Variants in CPSF2 observed in about 807,000 individuals in gnomAD.
The protein encoded by CPSF2 is cleavage and polyadenylation specific factor 2, also known as cleavage and polyadenylation specificity factor subunit 2.
CPSF2 carries 51 observed loss-of-function variants against 84.2 expected under a neutral mutation model. The ratio of observed to expected loss-of-function variants is 0.61; its 90% CI spans 0.48 to 0.77. CPSF2 has a LOEUF of 0.77. Ranked by LOEUF, CPSF2 falls within the 30% of genes least tolerant of loss-of-function variation. The probability of loss-of-function intolerance (pLI) is 0.00; values close to 1 mark genes in which losing one functional copy is unlikely to be tolerated. For synonymous variants in CPSF2, 286 were observed against 311.9 expected (o/e 0.92, Z 0.87); for missense variants, 641 against 929.4 (o/e 0.69, Z 4.03).
At chr14:92,151,435 A>AT (rs760958834) in intron 9 of CPSF2, among the ~76,000 whole-genome samples, 50 of 140,972 alleles carry the variant, frequency 3.5e-4, no homozygotes, top group African/African-American at 9.3e-4. Flanking sequence ...TGTAAGATAC[A>AT]TAAAAAAAAA....
chr14:92,123,277 C>T (rs1380422060), intron 1 of CPSF2, among the ~76,000 whole-genome samples: 1 of 151,972 alleles, frequency 6.6e-6, no homozygotes, highest in Admixed American at 6.5e-5. Flanking sequence ...TACAGGCGCG[C>T]ACCACCACGC....
intron 6 of CPSF2, 118 bp downstream of exon 6, chr14:92,135,614 C>A: frequency 1.0e-6 from 1 of 956,530 alleles, no homozygotes; most frequent in Non-Finnish European, 1.6e-6. Context: ...CAACTTAAAA[C>A]CGTCAAATAG....
intron 1 of CPSF2, among the ~76,000 whole-genome samples, chr14:92,125,128 A>G (rs184576188): frequency 9.9e-5 from 15 of 152,240 alleles, no homozygotes; most frequent in African/African-American, 2.9e-4. Context: ...CTGAAGATGA[A>G]TCTGGTAGCA....
intron 7 of CPSF2, among the ~76,000 whole-genome samples, chr14:92,141,460 C>G (rs2141464801): frequency 6.6e-6 from 1 of 152,246 alleles, no homozygotes; most frequent in South Asian, 2.1e-4. Flanking sequence ...TCCCACATAG[C>G]TAAGACCACA....
intron 14 of CPSF2, among the ~76,000 whole-genome samples, chr14:92,159,974 G>GT (rs2069349284): frequency 6.8e-6 from 1 of 146,414 alleles, no homozygotes; most frequent in East Asian, 2.0e-4. Flanking sequence ...GTTTTGTTTT[G>GT]TTTTTTGAGA....
chr14:92,125,382 C>T (rs374990665), intron 1 of CPSF2, among the ~76,000 whole-genome samples: 16 of 152,206 alleles, frequency 1.1e-4, no homozygotes, highest in African/African-American at 2.2e-4. Flanking sequence ...ATATTCATGT[C>T]GCAGAGCTAT....
chr14:92,122,936 A>G (rs1325991614), intron 1 of CPSF2, among the ~76,000 whole-genome samples: 5 of 145,758 alleles, frequency 3.4e-5, no homozygotes, highest in African/African-American at 1.0e-4. Flanking sequence ...AGATCCTCCC[A>G]TTTTGGCCTG....
At chr14:92,132,072 C>A (rs989191975) in intron 3 of CPSF2, among the ~76,000 whole-genome samples, 1 of 152,102 alleles carries the variant, frequency 6.6e-6, no homozygotes, top group African/African-American at 2.4e-5. Flanking sequence ...GGACAAAAAT[C>A]CATTATAAGT....
At chr14:92,142,101 A>G in intron 7 of CPSF2, 63 bp from the exon 8 acceptor site, 1 of 1,229,218 alleles carries the variant, frequency 8.1e-7, no homozygotes, top group South Asian at 2.0e-5. Flanking sequence ...AGATAAAATT[A>G]TCTTTAATTT....
intron 9 of CPSF2, among the ~76,000 whole-genome samples, chr14:92,146,301 C>T (rs1567022152): frequency 6.6e-6 from 1 of 152,156 alleles, no homozygotes; most frequent in East Asian, 1.9e-4. Flanking sequence ...GTGGGCGGAT[C>T]ACGAGGTCAG....
rs1370030123 is a variant in CPSF2, at chr14:92,165,376, C to G, written c.*3632C>G. The G allele has an allele frequency of 6.6e-6, 1 of 152,030 alleles. No individual in the cohort carries two copies. The highest frequency in any genetic ancestry group is 2.1e-4 in the South Asian group (1 of 4,832). 9.4% of individuals were successfully genotyped at this position (152,030 alleles called of 1,614,324 possible). ...AGGCTGTTTTCCAAAGTGGCTACAA[C>G]ATTTTGCATTTCCACCAGCATGTGT... On this transcript the variant is annotated 3_prime_UTR_variant, in exon 16 of 16. Transcript: ENST00000298875.
In CPSF2 at chr14:92,162,117, A is replaced by G. The variant is rs1437431051; in HGVS notation, c.*373A>G. On this transcript the variant is annotated 3_prime_UTR_variant, in exon 16 of 16. Transcript: ENST00000298875. The stretch of plus-strand genomic sequence containing the variant: ...CATGAGTTCTTACAAACTGTTTGTT[A>G]TATTTTCTGGAATGATAAGTGAGAA... The G allele has an allele frequency of 1.3e-5, 2 of 155,168 alleles. No individual in the cohort carries two copies. Among genetic ancestry groups the G allele is most frequent in the Non-Finnish European group, 2.9e-5 (2 of 69,882 alleles). 9.6% of individuals were successfully genotyped at this position (155,168 alleles called of 1,614,324 possible). A position where few individuals can be genotyped will look rare whatever the true frequency, so the allele number is the denominator to read the frequency against.
intron 13 of CPSF2, 124 bp downstream of exon 13, chr14:92,158,008 C>G (rs2069313659): frequency 4.4e-6 from 3 of 675,498 alleles, no homozygotes; most frequent in Non-Finnish European, 7.9e-6. Context: ...CCTAGCAGAC[C>G]TCATAGGGTA....
At chr14:92,138,126 G>A (rs2069024246) in intron 6 of CPSF2, 106 bp from the exon 7 acceptor site, 4 of 483,382 alleles carry the variant, frequency 8.3e-6, no homozygotes, top group Non-Finnish European at 1.5e-5. Context: ...TATAGTTAGA[G>A]GAGGGAACAC....
Position 92,143,147 on chromosome 14 carries a change from T to C in CPSF2, c.993T>C (p.Pro331=). 1 of 1,614,152 alleles carries C rather than the reference T, an allele frequency of 6.2e-7. No individual in the cohort carries two copies. Among genetic ancestry groups the C allele is most frequent in the Non-Finnish European group, 8.5e-7 (1 of 1,180,024 alleles). The part of the protein sequence containing the change: ...PSPKVVLASQ[P]DLECGFSRDL... ...CTAAAGTTGTACTTGCCAGCCAACC[T>C]GACCTGGAATGCGGATTTTCAAGGG... The change falls in exon 9 of 16, where the codon CCT becomes CCC. Residue 331 remains proline, a synonymous_variant. Coordinates refer to ENST00000298875, the MANE Select transcript of CPSF2 (RefSeq NM_017437.3).
chr14:92,147,703 G>A (rs1441427390), intron 9 of CPSF2, among the ~76,000 whole-genome samples: 1 of 152,088 alleles, frequency 6.6e-6, no homozygotes, highest in African/African-American at 2.4e-5. Context: ...ATATAAACAT[G>A]TATTTATTTG....
chr14:92,127,796 A>G (rs933634220), intron 2 of CPSF2, among the ~76,000 whole-genome samples: 4 of 152,232 alleles, frequency 2.6e-5, no homozygotes, highest in Non-Finnish European at 5.9e-5. Flanking sequence ...GAGCAGGACT[A>G]TTCTATACAA....
chr14:92,140,594 G>A (rs1198476044), intron 7 of CPSF2, among the ~76,000 whole-genome samples: 2 of 150,986 alleles, frequency 1.3e-5, no homozygotes, highest in East Asian at 2.0e-4. Flanking sequence ...AACCATGCCC[G>A]GCTAATTTTT....
chr14:92,130,908 A>T, intron 2 of CPSF2, 43 bp from the exon 3 acceptor site: 3 of 1,225,234 alleles, frequency 2.4e-6, no homozygotes, highest in Non-Finnish European at 3.5e-6. Flanking sequence ...TATATGCCAG[A>T]CTGTGCTTTT....
Sources: gnomAD v4.1 joint callset for allele counts (sites outside exome capture counted in the v4.1 genomes callset) on GRCh38, gnomAD v4.1.1 for gene constraint, MANE v1.5 for transcripts, NCBI Gene and HGNC (gene_info 2026-07-23, HGNC 2026-07-21) for gene names.